The following COLEC11 variants were observed in gnomAD, a reference collection of about 807,000 sequenced individuals.
The protein encoded by COLEC11 is collectin-11.
In COLEC11, 20 loss-of-function variants were observed where a neutral mutation model predicts 27.3. The ratio of observed to expected loss-of-function variants is 0.73; its 90% CI spans 0.51 to 1.06. The LOEUF (loss-of-function observed/expected upper bound fraction) is 1.06. Among genes scored for constraint, COLEC11 ranks in the 50% least tolerant of loss-of-function variants. The pLI is 0.00. For missense variants in COLEC11, 310 were observed against 383.0 expected (o/e 0.81, Z 1.59); for synonymous variants, 163 against 154.7 (o/e 1.05, Z -0.40).
chr2:3,644,468 T>C lies in COLEC11; in HGVS notation c.*350T>C, dbSNP rs1163093235. On this transcript the variant is annotated 3_prime_UTR_variant, in exon 7 of 7. Coordinates refer to ENST00000349077, the MANE Select transcript of COLEC11 (RefSeq NM_024027.5). ...AGTAGTTAAGTCCAAATAGTGGCAATGGGGTCTTGAATTACTACCTTTTAA... is the reference window on the plus strand; with the variant it reads ...AGTAGTTAAGTCCAAATAGTGGCAACGGGGTCTTGAATTACTACCTTTTAA... The C allele has an allele frequency of 2.0e-5, 10 of 506,330 alleles. No homozygotes were observed. Among genetic ancestry groups the C allele is most frequent in the Non-Finnish European group, 3.1e-5 (8 of 262,140 alleles). The allele number at this position is 506,330 out of a possible 1,614,324, so 31.4% of individuals were successfully genotyped here.
At chr2:3,640,458 CACCCACCCCCGTCACATCCCACAGT>C in intron 5 of COLEC11, 127 bp downstream of exon 5, 1 of 683,432 alleles carries the variant, frequency 1.5e-6, no homozygotes, top group Non-Finnish European at 2.7e-6. Context: ...CCACAGTGGA[CACCCACCCCCGTCACATCCCACAGT>C]GGACACCCAC....
At chr2:3,628,804 A>T (rs911583092) in intron 3 of COLEC11, among the ~76,000 whole-genome samples, 6 of 152,174 alleles carry the variant, frequency 3.9e-5, no homozygotes, top group African/African-American at 1.4e-4. Flanking sequence ...TAAGAACTCC[A>T]CACCTGCTTT....
chr2:3,616,019 G>A (rs1480212381), intron 3 of COLEC11, among the ~76,000 whole-genome samples: 19 of 150,786 alleles, frequency 1.3e-4, no homozygotes, highest in East Asian at 1.2e-3. Context: ...GCTGCCCGGC[G>A]GAGGGGCTCC....
At chr2:3,607,684 C>G (rs114325387) in intron 2 of COLEC11, among the ~76,000 whole-genome samples, 34 of 152,060 alleles carry the variant, frequency 2.2e-4, no homozygotes, top group Non-Finnish European at 4.6e-4. Context: ...CCTGACCTCA[C>G]GTAATCCACC....
At chr2:3,640,182 TC>T in intron 4 of COLEC11, 95 bp from the exon 5 acceptor site, 1 of 800,522 alleles carries the variant, frequency 1.2e-6, no homozygotes, top group South Asian at 1.4e-5. Context: ...CTGGGATAAA[TC>T]CGCGAGACAA....
rs558823236 is a variant in COLEC11 at position 3,636,411 on chromosome 2, C to T, written c.203-1122C>T. Among the ~76,000 whole-genome samples the T allele has an allele frequency of 7.2e-5, 11 of 152,146 alleles. No individual in the cohort carries two copies. The East Asian group carries it at 9.7e-4, about 13-fold the overall frequency. On this transcript the variant is annotated intron_variant, in intron 3 of 6. Transcript: ENST00000349077. Reference sequence around the variant, plus strand: ...TGGAGCTTGCAGTGAGCTGAGATTGCGCCACTGCACTCCAGCCTGGGTGAC... The same window carrying T: ...TGGAGCTTGCAGTGAGCTGAGATTGTGCCACTGCACTCCAGCCTGGGTGAC...
chr2:3,627,694 G>A (rs1196386745), intron 3 of COLEC11, among the ~76,000 whole-genome samples: 2 of 151,470 alleles, frequency 1.3e-5, no homozygotes, highest in African/African-American at 2.4e-5. Flanking sequence ...CGCTGGGCAC[G>A]ATGACGGTGG....
At chr2:3,632,203 G>A (rs1450458095) in intron 3 of COLEC11, among the ~76,000 whole-genome samples, 1 of 152,206 alleles carries the variant, frequency 6.6e-6, no homozygotes, top group African/African-American at 2.4e-5. Context: ...GAGATTTGGG[G>A]CCAGGCCTGT....
chr2:3,613,570 C>T (rs550562699), intron 3 of COLEC11, among the ~76,000 whole-genome samples, 188 bp downstream of exon 3: 13 of 152,222 alleles, frequency 8.5e-5, no homozygotes, highest in Non-Finnish European at 1.8e-4. Context: ...CAGCACTGCT[C>T]CTTGTGCTGA....
Position 3,636,316 on chromosome 2 carries a change from G to A in COLEC11, c.203-1217G>A, listed in dbSNP as rs374451960. Among the ~76,000 whole-genome samples the A allele has an allele frequency of 4.6e-5, 7 of 152,208 alleles. No individual in the cohort carries two copies. The South Asian group carries it at 6.2e-4, about 14-fold the overall frequency. On this transcript the variant is annotated intron_variant, in intron 3 of 6. Transcript: ENST00000349077. ...CTAAAAATACAAAAATTAGCCTGGC[G>A]TGGTGGCGGATGCCTGTAGTCCCAG... is the stretch of plus-strand genomic sequence containing the variant.
Position 3,602,984 on chromosome 2 carries a change from C to T in COLEC11, c.-26-1331C>T, listed in dbSNP as rs1662345837. ...GAATAAAAACATAAATGTTCTTGCTCTACTCCTGGTGCCTAGAGCTGTGCC... is the reference window on the plus strand; with the variant it reads ...GAATAAAAACATAAATGTTCTTGCTTTACTCCTGGTGCCTAGAGCTGTGCC... On this transcript the variant is annotated intron_variant, in intron 1 of 6. Coordinates refer to ENST00000349077, the MANE Select transcript of COLEC11 (RefSeq NM_024027.5). The surrounding 1 kb of genome is among the most constrained non-coding windows in gnomAD (Gnocchi z 6.2). Among the ~76,000 whole-genome samples the T allele has an allele frequency of 6.6e-6, 1 of 152,254 alleles. No homozygotes were observed. Among genetic ancestry groups the T allele is most frequent in the Admixed American group, 6.5e-5 (1 of 15,286 alleles).
At chr2:3,603,945 TGC>T in intron 1 of COLEC11, 1 of 572,130 alleles carries the variant, frequency 1.7e-6, no homozygotes, top group Non-Finnish European at 3.1e-6. Flanking sequence ...TGCCCAGCTC[TGC>T]AGAGGCTCCA....
intron 5 of COLEC11, among the ~76,000 whole-genome samples, chr2:3,641,853 CTG>C (rs1398793184): frequency 6.6e-6 from 1 of 152,204 alleles, no homozygotes; most frequent in Non-Finnish European, 1.5e-5. Flanking sequence ...CCAGTGGAAA[CTG>C]TGGGAAAAGG....
chr2:3,630,652 T>C (rs900710035), intron 3 of COLEC11, among the ~76,000 whole-genome samples: 4 of 152,214 alleles, frequency 2.6e-5, no homozygotes, highest in Non-Finnish European at 5.9e-5. Flanking sequence ...ATAAGGAGAA[T>C]GAGCAGGAGC....
At position 3,613,048 on chromosome 2, in the gene COLEC11, G is replaced by T. The variant is rs114117825; in HGVS notation, c.131-263G>T. On this transcript the variant is annotated intron_variant, in intron 2 of 6. Coordinates refer to ENST00000349077, the MANE Select transcript of COLEC11 (RefSeq NM_024027.5). ...GCACCCAGGGACAGACTAGGAGCCC[G>T]CCAAGAGGGGTAACTGGTGAGAGAA... is the stretch of plus-strand genomic sequence containing the variant. Among the ~76,000 whole-genome samples the T allele has an allele frequency of 2.6e-3, 397 of 152,280 alleles. 2 individuals carry two copies. Among genetic ancestry groups the T allele is most frequent in the African/African-American group, 9.3e-3 (386 of 41,562 alleles).
Position 3,640,306 on chromosome 2 carries a change from A to AC in COLEC11, c.308dup (p.Gly104TrpfsTer3). On this transcript the variant is annotated frameshift_variant, in exon 5 of 7. Coordinates refer to ENST00000349077, the MANE Select transcript of COLEC11 (RefSeq NM_024027.5). LOFTEE classifies it high-confidence loss of function. ...AGAAAGGAGATTCCGGTGACATAGG[A>AC]CCCCCTGGTCCTAATGGAGAACCAG... 1 of 1,602,930 alleles carries AC rather than the reference A, an allele frequency of 6.2e-7. No individual in the cohort carries two copies. The highest frequency in any genetic ancestry group is 8.5e-7 in the Non-Finnish European group (1 of 1,170,078).
In COLEC11 at chr2:3,634,964, G is replaced by A. The variant is rs113229263; in HGVS notation, c.203-2569G>A. Among the ~76,000 whole-genome samples, 543 of 151,428 alleles carry A rather than the reference G, an allele frequency of 3.6e-3. 3 individuals carry two copies. The highest frequency in any genetic ancestry group is 0.012 in the African/African-American group (494 of 41,126). On this transcript the variant is annotated intron_variant, in intron 3 of 6. Coordinates refer to ENST00000349077, the MANE Select transcript of COLEC11 (RefSeq NM_024027.5). ...GCCTTGCTGTGCCCCTGCCTGCCCC[G>A]CTGCCCTTGGGTTCCTCCCCCAGCT...
chr2:3,636,119 C>T (rs1231531267), intron 3 of COLEC11, among the ~76,000 whole-genome samples: 9 of 152,214 alleles, frequency 5.9e-5, no homozygotes, highest in African/African-American at 1.7e-4. Context: ...AGGCAGGTGG[C>T]GTCACTGCAG....
chr2:3,640,217 T>G (rs367764787), intron 4 of COLEC11, 61 bp from the exon 5 acceptor site: 1 of 1,010,768 alleles, frequency 9.9e-7, no homozygotes, highest in African/African-American at 1.6e-5. Context: ...TCTTGATGTT[T>G]TTAACACATA....
Sources: gnomAD v4.1 joint callset for allele counts (sites outside exome capture counted in the v4.1 genomes callset) on GRCh38, gnomAD v4.1.1 for gene constraint, Gnocchi (gnomAD v3.1) non-coding constraint, MANE v1.5 for transcripts, NCBI Gene and HGNC (gene_info 2026-07-23, HGNC 2026-07-21) for gene names.